HYCC1: variants seen among roughly 807,000 people sequenced by gnomAD.
The protein encoded by HYCC1 is hyccin PI4KA lipid kinase complex subunit 1.
chr7:22,977,163 G>C, the HYCC1 span, among the ~76,000 whole-genome samples: 1 of 148,620 alleles, frequency 6.7e-6, no homozygotes, highest in African/African-American at 2.5e-5. Flanking sequence ...ATTTTAGTTT[G>C]ATGTTCATTT....
the HYCC1 span, among the ~76,000 whole-genome samples, chr7:22,995,843 T>C: frequency 9.5e-3 from 1,446 of 152,136 alleles, 24 homozygotes; most frequent in African/African-American, 0.034. Context: ...AGAGTAACTG[T>C]ATAGTGGTGA....
chr7:22,908,408 C>T, the HYCC1 span, among the ~76,000 whole-genome samples: 4 of 152,174 alleles, frequency 2.6e-5, no homozygotes, highest in African/African-American at 9.7e-5. Flanking sequence ...CACACAGACA[C>T]GATTTGGCAT....
chr7:22,978,530 A>G, the HYCC1 span: 1 of 1,161,206 alleles, frequency 8.6e-7, no homozygotes, highest in Non-Finnish European at 1.3e-6. Context: ...AGGTTTTCTC[A>G]GATTGGTAAA....
the HYCC1 span, among the ~76,000 whole-genome samples, chr7:22,988,933 C>A: frequency 6.6e-6 from 1 of 152,100 alleles, no homozygotes; most frequent in Non-Finnish European, 1.5e-5. Context: ...CTGCTCTGCC[C>A]CTCACTCCTC....
chr7:22,996,414 C>G, the HYCC1 span, among the ~76,000 whole-genome samples: 5 of 150,556 alleles, frequency 3.3e-5, no homozygotes, highest in Non-Finnish European at 7.4e-5. Flanking sequence ...TTTTTTATTT[C>G]AACTTTTATT....
the HYCC1 span, among the ~76,000 whole-genome samples, chr7:22,982,336 G>A: frequency 6.6e-6 from 1 of 152,080 alleles, no homozygotes; most frequent in Non-Finnish European, 1.5e-5. Context: ...AAAGTTTTTT[G>A]GCTTGTCAAT....
At chr7:22,988,666 T>C in the HYCC1 span, among the ~76,000 whole-genome samples, 6 of 152,210 alleles carry the variant, frequency 3.9e-5, no homozygotes, top group Non-Finnish European at 5.9e-5. Flanking sequence ...TTAGAACCCA[T>C]GAGTTCATAA....
the HYCC1 span, among the ~76,000 whole-genome samples, chr7:22,989,338 GTTT>G: frequency 1.3e-5 from 2 of 149,904 alleles, no homozygotes; most frequent in Admixed American, 6.6e-5. Flanking sequence ...TTTAATCAAA[GTTT>G]TTTGTTTTGT....
At chr7:22,947,999 C>T in the HYCC1 span, among the ~76,000 whole-genome samples, 2 of 152,064 alleles carry the variant, frequency 1.3e-5, no homozygotes, top group African/African-American at 4.8e-5. Context: ...AAAACAAATT[C>T]GTTGTCAGCC....
the HYCC1 span, chr7:22,945,694 T>C: frequency 3.7e-6 from 6 of 1,613,810 alleles, no homozygotes; most frequent in African/African-American, 1.3e-5. Flanking sequence ...GCTTTTCTTC[T>C]TGGAGACTAC....
the HYCC1 span, chr7:22,935,270 A>C: frequency 1.3e-5 from 2 of 152,184 alleles, no homozygotes; most frequent in Non-Finnish European, 2.9e-5. Flanking sequence ...AAATTGTAGA[A>C]CTTGAGGCTT....
At chr7:22,948,141 T>C in the HYCC1 span, among the ~76,000 whole-genome samples, 1 of 151,990 alleles carries the variant, frequency 6.6e-6, no homozygotes, top group Non-Finnish European at 1.5e-5. Flanking sequence ...TTCATGTAAA[T>C]GGGGAAAAGT....
At chr7:22,905,704 T>C in the HYCC1 span, among the ~76,000 whole-genome samples, 3 of 152,338 alleles carry the variant, frequency 2.0e-5, no homozygotes, top group South Asian at 4.1e-4. Flanking sequence ...GTTATATTTA[T>C]ACATGGCATC....
the HYCC1 span, chr7:22,947,280 A>T: frequency 2.0e-6 from 3 of 1,516,554 alleles, no homozygotes; most frequent in Non-Finnish European, 2.7e-6. Context: ...AAAATGATGG[A>T]TGAAAACAAA....
the HYCC1 span, chr7:22,978,217 T>G: frequency 6.6e-7 from 1 of 1,514,768 alleles, no homozygotes; most frequent in Non-Finnish European, 9.2e-7. Context: ...TTGCACAGGT[T>G]ATATATTTGA....
the HYCC1 span, chr7:22,944,573 C>T: frequency 6.6e-6 from 1 of 152,090 alleles, no homozygotes; most frequent in Non-Finnish European, 1.5e-5. Context: ...TGTCCTTTGT[C>T]CATATTTCAC....
chr7:22,947,197 G>A, the HYCC1 span: 1 of 1,549,912 alleles, frequency 6.5e-7, no homozygotes. Flanking sequence ...CTAATCTCAG[G>A]AATGACAAGG....
chr7:22,901,996 T>C, the HYCC1 span, among the ~76,000 whole-genome samples: 1 of 152,120 alleles, frequency 6.6e-6, no homozygotes, highest in African/African-American at 2.4e-5. Flanking sequence ...GTACACATGG[T>C]ACATTCACCA....
the HYCC1 span, chr7:22,945,568 G>C: frequency 6.4e-7 from 1 of 1,550,624 alleles, no homozygotes; most frequent in Non-Finnish European, 8.9e-7. Context: ...ACTAGGTTAT[G>C]GGAGAAAAAT....
Sources: gnomAD v4.1 joint callset for allele counts (sites outside exome capture counted in the v4.1 genomes callset) on GRCh38, gnomAD v4.1.1 for gene constraint, MANE v1.5 for transcripts, NCBI Gene and HGNC (gene_info 2026-07-23, HGNC 2026-07-21) for gene names.